MYOM1: variants seen among roughly 807,000 people sequenced by gnomAD.
MYOM1 encodes myomesin 1, also known as myomesin-1.
MYOM1 carries 164 observed loss-of-function variants against 205.3 expected under a neutral mutation model. The ratio of observed to expected loss-of-function variants is 0.80; its 90% CI spans 0.70 to 0.91. MYOM1 has a LOEUF of 0.91. MYOM1 is among the 40% of genes least tolerant of loss of function. MYOM1 has a pLI of 0.00. For missense variants in MYOM1, 2,011 were observed against 2,127.3 expected, an observed-to-expected ratio of 0.95 and a Z score of 1.08; for synonymous variants, 772 against 789.4, an observed-to-expected ratio of 0.98 and a Z score of 0.37.
Position 3,083,972 on chromosome 18 carries a change from C to A in MYOM1, c.4378+17G>T, listed in dbSNP as rs201136152. The A allele has an allele frequency of 1.3e-6, 2 of 1,587,148 alleles. No individual in the cohort carries two copies. The highest frequency in any genetic ancestry group is 1.7e-6 in the Non-Finnish European group (2 of 1,165,144). ...AGGATCATAAAGCATTGTTGTGGTGCGAAATGTTTGACTCACCTATTTTTT... is the reference window on the plus strand; with the variant it reads ...AGGATCATAAAGCATTGTTGTGGTGAGAAATGTTTGACTCACCTATTTTTT... On this transcript the variant is annotated intron_variant, in intron 32 of 37. Coordinates refer to ENST00000356443, the MANE Select transcript of MYOM1 (RefSeq NM_003803.4).
intron 9 of MYOM1, among the ~76,000 whole-genome samples, chr18:3,167,117 C>T (rs1390292717): frequency 6.6e-6 from 1 of 152,128 alleles, no homozygotes; most frequent in African/African-American, 2.4e-5. Context: ...AGAGAAAGTA[C>T]AAGTTTTCTC....
At chr18:3,214,746 C>T (rs907666554) in intron 2 of MYOM1, among the ~76,000 whole-genome samples, 188 bp downstream of exon 2, 2 of 152,108 alleles carry the variant, frequency 1.3e-5, no homozygotes, top group African/African-American at 4.8e-5. Flanking sequence ...TCGATTGAAC[C>T]CAGGAGGCAG....
intron 10 of MYOM1, 68 bp downstream of exon 10, chr18:3,164,210 A>C: frequency 6.7e-7 from 1 of 1,496,826 alleles, no homozygotes; most frequent in Non-Finnish European, 9.1e-7. Context: ...ACTGTTTTGT[A>C]ATCAAAAACT....
chr18:3,219,279 ATTAC>A lies in MYOM1; in HGVS notation c.-29+520_-29+523del, dbSNP rs2081304661. 6.6e-6 allele frequency among the ~76,000 whole-genome samples: 1 copy of A among 152,072 alleles called. No homozygotes were observed. Among genetic ancestry groups the A allele is most frequent in the South Asian group, 2.1e-4 (1 of 4,824 alleles). ...TGGGGCTCTATGTTGCCTCTGAAAT[ATTAC>A]TTAACCATTTGAGGCCATATCATTG... On this transcript the variant is annotated intron_variant, in intron 1 of 37. Coordinates refer to ENST00000356443, the MANE Select transcript of MYOM1 (RefSeq NM_003803.4). This position sits in a 1 kb window ranked among gnomAD's most constrained non-coding sequence, Gnocchi z 4.4.
At chr18:3,128,618 TTTTTC>T (rs1247358831) in intron 18 of MYOM1, among the ~76,000 whole-genome samples, 1 of 152,154 alleles carries the variant, frequency 6.6e-6, no homozygotes, top group Non-Finnish European at 1.5e-5. Flanking sequence ...TTTCTTTTCT[TTTTTC>T]ATTTCAAAAA....
In MYOM1 at chr18:3,187,512, G is replaced by A. The variant is rs868329991; in HGVS notation, c.897C>T (p.Ser299=). ...CACGAGGTTCTGGCCAGCCTGCTAT[G>A]GAGCAATGCAATTTTACATTCTCCT... ...WEKENVKLHC[S]IAGWPEPRVT... The change falls in exon 5 of 38, where the codon TCC becomes TCT. Residue 299 remains serine, a synonymous_variant. Transcript: ENST00000356443. The A allele has an allele frequency of 6.2e-7, 1 of 1,613,894 alleles. No homozygotes were observed. Among genetic ancestry groups the A allele is most frequent in the Non-Finnish European group, 8.5e-7 (1 of 1,179,840 alleles).
At chr18:3,128,236 T>C (rs2079823132) in intron 18 of MYOM1, among the ~76,000 whole-genome samples, 1 of 152,350 alleles carries the variant, frequency 6.6e-6, no homozygotes, top group Non-Finnish European at 1.5e-5. Context: ...TTTCAGAGCA[T>C]TGTTGAATAT....
chr18:3,089,304 C>G, intron 28 of MYOM1, 63 bp from the exon 29 acceptor site: 2 of 1,311,116 alleles, frequency 1.5e-6, no homozygotes, highest in Non-Finnish European at 2.2e-6. Flanking sequence ...TCAAAGCTCA[C>G]ACTTAAGTCC....
chr18:3,150,145 C>T (rs548845767), intron 12 of MYOM1, among the ~76,000 whole-genome samples: 12 of 152,188 alleles, frequency 7.9e-5, no homozygotes, highest in African/African-American at 2.9e-4. Flanking sequence ...CTGCAACCTC[C>T]GCCTCCCGGG....
In MYOM1 at chr18:3,071,836, T is replaced by C; in HGVS notation, c.4762A>G (p.Lys1588Glu). 6.2e-7 allele frequency: 1 copy of C among 1,600,786 alleles called. No individual in the cohort carries two copies. The highest frequency in any genetic ancestry group is 8.5e-7 in the Non-Finnish European group (1 of 1,173,574). The change falls in exon 37 of 38, where the codon AAG becomes GAG. Residue 1588 changes from lysine (K) to glutamate (E), a missense_variant and splice_region_variant. Lys to Glu is a moderately conservative substitution (Grantham distance 56, BLOSUM62 1). Transcript: ENST00000356443. ...GCACAGGCAGGCTTCATGCTTACCTTCCCCTCCTGGATGGTGACCACGTCT... is the reference window on the plus strand; with the variant it reads ...GCACAGGCAGGCTTCATGCTTACCTCCCCCTCCTGGATGGTGACCACGTCT... ...LPDVVTIQEG[K>E]ALNLTCNVWG...
At chr18:3,111,390 C>A (rs904832521) in intron 22 of MYOM1, among the ~76,000 whole-genome samples, 2 of 151,992 alleles carry the variant, frequency 1.3e-5, no homozygotes, top group East Asian at 3.9e-4. Flanking sequence ...TCATAAGAAA[C>A]GGCAAGTCTG....
intron 34 of MYOM1, 85 bp downstream of exon 34, chr18:3,079,094 T>G (rs893370583): frequency 6.3e-6 from 9 of 1,428,832 alleles, no homozygotes; most frequent in African/African-American, 1.4e-5. Flanking sequence ...ATTACAGGCA[T>G]AAGCCACCAT....
At chr18:3,188,714 C>T (rs752634707) in intron 4 of MYOM1, 34 bp downstream of exon 4, 3 of 1,496,706 alleles carry the variant, frequency 2.0e-6, no homozygotes, top group Non-Finnish European at 2.7e-6. Context: ...TGCATTTCCA[C>T]CTTTGTAAGT....
intron 14 of MYOM1, among the ~76,000 whole-genome samples, chr18:3,139,980 C>T (rs866657876): frequency 6.6e-6 from 1 of 152,194 alleles, no homozygotes; most frequent in Non-Finnish European, 1.5e-5. Context: ...ATGGTAACTA[C>T]TGTCACAGAG....
At chr18:3,224,057 C>T (rs2144288198), upstream of MYOM1, among the ~76,000 whole-genome samples, 1 of 148,002 alleles carries the variant, frequency 6.8e-6, no homozygotes, top group East Asian at 2.0e-4. Context: ...GAGACACAGG[C>T]TCACTGTGTC....
Position 3,133,139 on chromosome 18 carries a change from A to G in MYOM1, c.2384+1511T>C, listed in dbSNP as rs565606492. On this transcript the variant is annotated intron_variant, in intron 16 of 37. Coordinates refer to ENST00000356443, the MANE Select transcript of MYOM1 (RefSeq NM_003803.4). ...CTACGCACCACCAGCATTTCTGAATAGTCCCAGGAAAATGCTGGGTAACTC... is the reference window on the plus strand; with the variant it reads ...CTACGCACCACCAGCATTTCTGAATGGTCCCAGGAAAATGCTGGGTAACTC... 5.9e-5 allele frequency among the ~76,000 whole-genome samples: 9 copies of G among 152,312 alleles called. No homozygotes were observed. The East Asian group carries it at 1.7e-3, about 29-fold the overall frequency.
chr18:3,206,073 A>C (rs770804647), intron 2 of MYOM1, among the ~76,000 whole-genome samples: 1 of 152,182 alleles, frequency 6.6e-6, no homozygotes, highest in Non-Finnish European at 1.5e-5. Context: ...ACAAAATGTG[A>C]ATTCACACAC....
At position 3,195,436 on chromosome 18, in the gene MYOM1, C is replaced by A. The variant is rs139622910; in HGVS notation, c.291-1478G>T. ...AGCAGCAAAACGACTGCATTCTATA[C>A]CCCGGCAGGTCACAAAGTACAGGCT... On this transcript the variant is annotated intron_variant, in intron 2 of 37. Transcript: ENST00000356443. Among the ~76,000 whole-genome samples the A allele has an allele frequency of 6.2e-3, 944 of 152,306 alleles. 8 individuals are homozygous for A. The highest frequency in any genetic ancestry group is 0.022 in the African/African-American group (905 of 41,558).
the MYOM1 span, among the ~76,000 whole-genome samples, chr18:3,230,805 A>G: frequency 2.0e-5 from 3 of 152,222 alleles, no homozygotes; most frequent in Admixed American, 6.5e-5. Flanking sequence ...TTCATTTTCA[A>G]TAAATCTCTG....
Sources: allele counts gnomAD v4.1 joint callset (sites outside exome capture counted in the v4.1 genomes callset), GRCh38; gene constraint gnomAD v4.1.1; non-coding constraint Gnocchi (gnomAD v3.1); transcripts MANE v1.5; gene names NCBI Gene and HGNC (gene_info 2026-07-23, HGNC 2026-07-21).